The following UBE3D variants were observed in gnomAD, a reference collection of about 807,000 sequenced individuals.
UBE3D encodes E3 ubiquitin-protein ligase E3D.
A neutral mutation model predicts 49.6 loss-of-function variants in UBE3D; 48 were observed. That is an observed-to-expected ratio of 0.97 (90% CI 0.77 to 1.23). The LOEUF (loss-of-function observed/expected upper bound fraction) is 1.23, where lower values mean the gene tolerates loss of function less well. UBE3D is among the 50% of genes most tolerant of loss of function. The pLI, the probability that UBE3D is intolerant of heterozygous loss-of-function variation, is 0.00. For missense variants in UBE3D, 452 were observed against 468.4 expected, an observed-to-expected ratio of 0.96 and a Z score of 0.32; for synonymous variants, 189 against 174.2, an observed-to-expected ratio of 1.08 and a Z score of -0.67.
intron 9 of UBE3D, among the ~76,000 whole-genome samples, chr6:82,910,713 C>A (rs1020219646): frequency 2.0e-5 from 3 of 151,952 alleles, no homozygotes; most frequent in African/African-American, 7.3e-5. Flanking sequence ...GGTAACATTG[C>A]AAGAGTCCAA....
At chr6:82,949,578 A>G (rs891263042) in intron 9 of UBE3D, among the ~76,000 whole-genome samples, 37 of 152,318 alleles carry the variant, frequency 2.4e-4, no homozygotes, top group African/African-American at 8.2e-4. Context: ...TAAAAAGAAC[A>G]AAACTGGAGG....
In UBE3D at chr6:82,966,373, G is replaced by A. The variant is rs185697731; in HGVS notation, c.1011-8923C>T. 1.5e-4 allele frequency among the ~76,000 whole-genome samples: 11 copies of A among 72,020 alleles called. 4 individuals carry two copies. The highest frequency in any genetic ancestry group is 2.6e-4 in the Non-Finnish European group (9 of 34,802). 47.2% of individuals were successfully genotyped at this position (72,020 alleles called of 152,430 possible). On this transcript the variant is annotated intron_variant, in intron 8 of 9. Transcript: ENST00000369747. ...ATATACTTAAAAACCACTGAGGGCC[G>A]GGCGCGGTGGCTCACGCCTGTAATC... is the stretch of plus-strand genomic sequence containing the variant.
Position 83,011,326 on chromosome 6 carries a change from A to AT in UBE3D, c.1010+7646dup, listed in dbSNP as rs199946719. Among the ~76,000 whole-genome samples the AT allele has an allele frequency of 9.7e-3, 1,471 of 152,310 alleles. 22 individuals carry two copies. Among genetic ancestry groups the AT allele is most frequent in the African/African-American group, 0.034 (1,395 of 41,572 alleles). On this transcript the variant is annotated intron_variant, in intron 8 of 9. Coordinates refer to ENST00000369747, the MANE Select transcript of UBE3D (RefSeq NM_198920.3). ...AACTGGTCACCTGGTCGTAGCTGGT[A>AT]TTGATGACTACCTTCTTCTACTACC...
intron 3 of UBE3D, 115 bp from the exon 4 acceptor site, chr6:83,044,774 A>AT: frequency 1.2e-6 from 1 of 825,156 alleles, no homozygotes. Flanking sequence ...TGCAATGCTA[A>AT]TTTTTTCCCC....
intron 5 of UBE3D, chr6:83,036,184 T>C (rs1319854107): frequency 6.6e-6 from 1 of 152,020 alleles, no homozygotes; most frequent in Non-Finnish European, 1.5e-5. Context: ...TCACCATGTC[T>C]GGCTAATTTT....
At chr6:82,923,573 G>A (rs1376755846) in intron 9 of UBE3D, among the ~76,000 whole-genome samples, 5 of 152,188 alleles carry the variant, frequency 3.3e-5, no homozygotes, top group African/African-American at 9.7e-5. Context: ...GTGGGGGTGG[G>A]GGGCTAGGGG....
intron 9 of UBE3D, among the ~76,000 whole-genome samples, chr6:82,945,939 T>G (rs1312912345): frequency 6.6e-6 from 1 of 152,042 alleles, no homozygotes; most frequent in Non-Finnish European, 1.5e-5. Context: ...AGTGGGCTAT[T>G]TGAAAATACA....
At chr6:83,021,709 A>G (rs1781105425) in intron 7 of UBE3D, among the ~76,000 whole-genome samples, 1 of 151,968 alleles carries the variant, frequency 6.6e-6, no homozygotes. Flanking sequence ...TACTAAAAAA[A>G]TACAAAAAAA....
chr6:82,964,313 C>G (rs570118379), intron 8 of UBE3D, among the ~76,000 whole-genome samples: 7 of 152,204 alleles, frequency 4.6e-5, no homozygotes, highest in African/African-American at 1.7e-4. Context: ...ATATAGTCTT[C>G]TAGGAAACAT....
At chr6:82,917,487 A>G (rs146883332) in intron 9 of UBE3D, among the ~76,000 whole-genome samples, 4 of 152,350 alleles carry the variant, frequency 2.6e-5, no homozygotes, top group African/African-American at 7.2e-5. Flanking sequence ...AGCTAGCTAC[A>G]TGCCGATAGG....
chr6:82,927,656 T>C (rs1175188273), intron 9 of UBE3D, among the ~76,000 whole-genome samples: 8 of 152,086 alleles, frequency 5.3e-5, no homozygotes, highest in African/African-American at 1.9e-4. Flanking sequence ...AATTCCAAAT[T>C]TCACTTATCC....
At chr6:82,928,343 A>G (rs999841244) in intron 9 of UBE3D, among the ~76,000 whole-genome samples, 3 of 152,154 alleles carry the variant, frequency 2.0e-5, no homozygotes, top group African/African-American at 7.2e-5. Context: ...TTCTGAGAAC[A>G]TTATTAATGT....
At chr6:82,951,230 C>G (rs565686297) in intron 9 of UBE3D, among the ~76,000 whole-genome samples, 166 of 152,140 alleles carry the variant, frequency 1.1e-3, no homozygotes, top group Non-Finnish European at 1.8e-3. Flanking sequence ...AATATATATA[C>G]CTACTATGTA....
intron 9 of UBE3D, among the ~76,000 whole-genome samples, chr6:82,947,615 G>A (rs143648956): frequency 5.5e-4 from 83 of 151,608 alleles, no homozygotes; most frequent in East Asian, 2.5e-3. Flanking sequence ...TTCTGTTAAC[G>A]TCACAAAATA....
Position 83,065,781 on chromosome 6 carries a change from C to G in UBE3D, c.-63G>C. The G allele has an allele frequency of 6.6e-7, 1 of 1,512,000 alleles. No homozygotes were observed. Among genetic ancestry groups the G allele is most frequent in the Admixed American group, 1.9e-5 (1 of 51,956 alleles). 93.7% of individuals were successfully genotyped at this position (1,512,000 alleles called of 1,614,324 possible). The stretch of plus-strand genomic sequence containing the variant: ...TTCCGAGGGGCCCGGGTCAACAGGA[C>G]CAGGAGAGGTTCCACGTGCGGACCA... On this transcript the variant is annotated 5_prime_UTR_variant, in exon 1 of 10. Transcript: ENST00000369747.
At chr6:82,974,528 T>A (rs1176425631) in intron 8 of UBE3D, among the ~76,000 whole-genome samples, 1 of 152,248 alleles carries the variant, frequency 6.6e-6, no homozygotes, top group East Asian at 1.9e-4. Context: ...ACTGTATTTT[T>A]AAATTTGTAT....
At chr6:83,024,573 A>G (rs544537970) in intron 5 of UBE3D, among the ~76,000 whole-genome samples, 24 of 152,256 alleles carry the variant, frequency 1.6e-4, no homozygotes, top group African/African-American at 4.6e-4. Flanking sequence ...GAATTCGGGA[A>G]TAATCACAGG....
chr6:82,971,834 T>C (rs1777372090), intron 8 of UBE3D, among the ~76,000 whole-genome samples: 1 of 152,202 alleles, frequency 6.6e-6, no homozygotes, highest in African/African-American at 2.4e-5. Context: ...TTGATATTAC[T>C]GGTATTGATA....
intron 9 of UBE3D, among the ~76,000 whole-genome samples, chr6:82,933,072 T>G (rs1328786985): frequency 6.6e-6 from 1 of 152,018 alleles, no homozygotes; most frequent in Non-Finnish European, 1.5e-5. Context: ...CAGATTTGGG[T>G]TTTTTTGGGG....
Sources: gnomAD v4.1 joint callset for allele counts (sites outside exome capture counted in the v4.1 genomes callset) on GRCh38, gnomAD v4.1.1 for gene constraint, MANE v1.5 for transcripts, NCBI Gene and HGNC (gene_info 2026-07-23, HGNC 2026-07-21) for gene names.